The following RABGEF1 variants were observed in gnomAD, a reference collection of about 807,000 sequenced individuals.
RABGEF1 encodes the protein rab5 GDP/GTP exchange factor.
A neutral mutation model predicts 57.3 loss-of-function variants in RABGEF1; 26 were observed. The ratio of observed to expected loss-of-function variants is 0.45; its 90% CI spans 0.33 to 0.63. RABGEF1 has a LOEUF of 0.63. Among genes scored for constraint, RABGEF1 ranks in the 20% least tolerant of loss-of-function variants. The probability of loss-of-function intolerance (pLI) is 0.02; values close to 1 mark genes in which losing one functional copy is unlikely to be tolerated. For synonymous variants in RABGEF1, 185 were observed against 210.7 expected, an observed-to-expected ratio of 0.88 and a Z score of 1.06; for missense variants, 464 against 607.6, an observed-to-expected ratio of 0.76 and a Z score of 2.48.
upstream of RABGEF1, chr7:66,740,592 T>C (rs1430840894): frequency 6.6e-6 from 1 of 152,574 alleles, no homozygotes; most frequent in Non-Finnish European, 1.5e-5. Flanking sequence ...ACCCTTTGGA[T>C]CCACTCGCAC....
At chr7:66,689,233 G>T (rs905876790) in intron 1 of RABGEF1, among the ~76,000 whole-genome samples, 5 of 151,474 alleles carry the variant, frequency 3.3e-5, no homozygotes, top group Non-Finnish European at 5.9e-5. Flanking sequence ...AATAAATAAA[G>T]AATAGGAAAA....
chr7:66,772,876 C>T (rs1807497503), intron 2 of RABGEF1, among the ~76,000 whole-genome samples: 1 of 150,652 alleles, frequency 6.6e-6, no homozygotes, highest in Non-Finnish European at 1.5e-5. Context: ...CATGCCACTG[C>T]ACTCCAGCTT....
rs536094839 is a variant in RABGEF1, at chr7:66,810,644, A to G, written c.*1360A>G. On this transcript the variant is annotated 3_prime_UTR_variant, in exon 9 of 9. Coordinates refer to ENST00000284957, the MANE Select transcript of RABGEF1 (RefSeq NM_014504.3). The stretch of plus-strand genomic sequence containing the variant: ...CAGTGGAACCTTCTATAACCTAAAT[A>G]TACCATTGATGATTCTTCTTCCATT... The G allele has an allele frequency of 6.6e-6, 1 of 152,336 alleles. No homozygotes were observed. The highest frequency in any genetic ancestry group is 2.4e-5 in the African/African-American group (1 of 41,594). The allele number at this position is 152,336 out of a possible 1,614,324, so 9.4% of individuals were successfully genotyped here. A position where few individuals can be genotyped will look rare whatever the true frequency, so the allele number is the denominator to read the frequency against.
chr7:66,673,304 C>T, the RABGEF1 span, among the ~76,000 whole-genome samples: 48 of 151,910 alleles, frequency 3.2e-4, no homozygotes, highest in South Asian at 5.9e-3. Flanking sequence ...TAGCATCCAC[C>T]GTGAAGGCTG....
At chr7:66,758,418 A>G (rs1375374603) in intron 1 of RABGEF1, among the ~76,000 whole-genome samples, 6 of 152,048 alleles carry the variant, frequency 3.9e-5, no homozygotes, top group South Asian at 2.1e-4. Flanking sequence ...CTTCCCTGAC[A>G]TAAGTGGGAC....
At chr7:66,720,825 AACT>A (rs1584926670) in intron 2 of RABGEF1, among the ~76,000 whole-genome samples, 1 of 152,220 alleles carries the variant, frequency 6.6e-6, no homozygotes, top group African/African-American at 2.4e-5. Context: ...AAGCTACTAG[AACT>A]AATAAGTTAG....
chr7:66,787,832 A>G (rs562775406), intron 4 of RABGEF1, among the ~76,000 whole-genome samples: 7 of 152,266 alleles, frequency 4.6e-5, no homozygotes, highest in Non-Finnish European at 7.4e-5. Context: ...CCTTTCCCAT[A>G]ATAACTAGAA....
chr7:66,706,141 A>T (rs957741517), intron 1 of RABGEF1, among the ~76,000 whole-genome samples: 1 of 150,646 alleles, frequency 6.6e-6, no homozygotes, highest in African/African-American at 2.4e-5. Flanking sequence ...TGACCTCATG[A>T]TCCACCCGCC....
chr7:66,668,492 G>A, the RABGEF1 span, among the ~76,000 whole-genome samples: 2 of 152,174 alleles, frequency 1.3e-5, no homozygotes, highest in African/African-American at 4.8e-5. Context: ...CAGGTGCAGG[G>A]GTGTCCCCAG....
chr7:66,784,804 T>C (rs1301199922), intron 4 of RABGEF1, among the ~76,000 whole-genome samples: 1 of 152,160 alleles, frequency 6.6e-6, no homozygotes. Context: ...TCTCTAGGTA[T>C]TTTTTCTCTC....
At chr7:66,709,336 T>A (rs1794516468) in intron 1 of RABGEF1, among the ~76,000 whole-genome samples, 1 of 152,200 alleles carries the variant, frequency 6.6e-6, no homozygotes, top group African/African-American at 2.4e-5. Context: ...AATTGTTTTT[T>A]AAACTGCAAA....
At chr7:66,793,123 A>C (rs139758018) in intron 4 of RABGEF1, among the ~76,000 whole-genome samples, 2,229 of 152,222 alleles carry the variant, frequency 0.015, 60 homozygotes, top group East Asian at 0.094. Flanking sequence ...CTCTAAAAGG[A>C]GCTCAGAGAG....
intron 3 of RABGEF1, among the ~76,000 whole-genome samples, chr7:66,778,577 G>T (rs1285698561): frequency 1.3e-5 from 2 of 152,084 alleles, no homozygotes; most frequent in Non-Finnish European, 2.9e-5. Context: ...ATCTGAAGAC[G>T]GTGATTCTCT....
intron 2 of RABGEF1, among the ~76,000 whole-genome samples, chr7:66,774,917 C>G (rs564333359): frequency 5.3e-5 from 8 of 152,206 alleles, no homozygotes; most frequent in African/African-American, 1.9e-4. Context: ...CTGTCCCATT[C>G]TGTAGCAGTT....
At chr7:66,733,848 T>C (rs1220214934) in intron 2 of RABGEF1, among the ~76,000 whole-genome samples, 1 of 151,882 alleles carries the variant, frequency 6.6e-6, no homozygotes, top group Non-Finnish European at 1.5e-5. Flanking sequence ...ACCAAAAATA[T>C]AAAAAAATTA....
chr7:66,677,044 T>C, the RABGEF1 span, among the ~76,000 whole-genome samples: 4 of 152,326 alleles, frequency 2.6e-5, no homozygotes, highest in African/African-American at 9.6e-5. Context: ...CTAAGAGTTT[T>C]GTATTTTTCA....
chr7:66,747,729 A>G (rs970799899), intron 1 of RABGEF1, among the ~76,000 whole-genome samples: 4 of 152,208 alleles, frequency 2.6e-5, no homozygotes, highest in African/African-American at 9.7e-5. Flanking sequence ...GGAGCACATA[A>G]AAGAAAATGC....
At chr7:66,674,375 A>G in the RABGEF1 span, among the ~76,000 whole-genome samples, 178 of 151,870 alleles carry the variant, frequency 1.2e-3, no homozygotes, top group African/African-American at 3.9e-3. Flanking sequence ...TTAAGTAGAG[A>G]TGGAGTTTCA....
chr7:66,757,650 C>T (rs371489755), intron 1 of RABGEF1, among the ~76,000 whole-genome samples: 123 of 152,290 alleles, frequency 8.1e-4, no homozygotes, highest in African/African-American at 2.8e-3. Flanking sequence ...CTCGCTCTGC[C>T]GCCCAGGCTG....
Sources: allele counts gnomAD v4.1 joint callset (sites outside exome capture counted in the v4.1 genomes callset), GRCh38; gene constraint gnomAD v4.1.1; transcripts MANE v1.5; gene names NCBI Gene and HGNC (gene_info 2026-07-23, HGNC 2026-07-21).